Variants in NRAP observed in about 807,000 individuals in gnomAD.
NRAP encodes nebulin-related-anchoring protein.
Under a neutral mutation model 225.9 loss-of-function variants are expected in NRAP, and 189 were observed. The observed-to-expected ratio is 0.84, with a 90% CI of 0.74 to 0.94. The LOEUF is 0.94. Among genes scored for constraint, NRAP ranks in the 40% least tolerant of loss-of-function variants. The probability of loss-of-function intolerance (pLI) is 0.00; values close to 1 mark genes in which losing one functional copy is unlikely to be tolerated. For missense variants in NRAP, 2,176 were observed against 2,168.7 expected (o/e 1.00, Z -0.07); for synonymous variants, 769 against 790.7 (o/e 0.97, Z 0.46).
At chr10:113,615,098 C>A (rs1457723907) in intron 27 of NRAP, 152 bp from the exon 28 acceptor site, 14 of 484,034 alleles carry the variant, frequency 2.9e-5, no homozygotes, top group Non-Finnish European at 4.3e-5. Flanking sequence ...GCTAAACCCA[C>A]GTGAGTTGGA....
At chr10:113,595,871 C>T in intron 37 of NRAP, 144 bp from the exon 38 acceptor site, 3 of 495,590 alleles carry the variant, frequency 6.1e-6, no homozygotes, top group Middle Eastern at 4.4e-4. Context: ...GGACAGTGTC[C>T]CTCCAGAACC....
At chr10:113,620,518 T>A (rs1847921695) in intron 25 of NRAP, 86 bp downstream of exon 25, 1 of 985,136 alleles carries the variant, frequency 1.0e-6, no homozygotes, top group African/African-American at 1.6e-5. Context: ...TTCTTTGCCT[T>A]TTGAGTGGAA....
rs372444529 is a variant in NRAP, at chr10:113,589,078, C to A, written c.5090G>T (p.Arg1697Leu). 1.2e-6 allele frequency: 2 copies of A among 1,613,516 alleles called. No individual in the cohort carries two copies. Among genetic ancestry groups the A allele is most frequent in the Non-Finnish European group, 1.7e-6 (2 of 1,179,682 alleles). The part of the protein sequence containing the change: ...ARGLGLQGAY[R>L]GAEAVEAGDH... The stretch of plus-strand genomic sequence containing the variant: ...TCCAGCCTCCACTGCTTCTGCCCCC[C>A]GCTGCTGAAATCAAACATACCCCAA... Residue 1697 changes from arginine to leucine, a missense_variant and splice_region_variant, in exon 42 of 42, where the codon CGG becomes CTG. Around this residue, in one of 3 missense-constraint regions of NRAP, gnomAD observed 445 missense variants for 426.1 expected, o/e 1.04. Transcript: ENST00000359988.
intron 15 of NRAP, 52 bp from the exon 16 acceptor site, chr10:113,633,240 CT>C (rs1848674617): frequency 1.9e-6 from 2 of 1,025,742 alleles, no homozygotes; most frequent in African/African-American, 3.2e-5. Flanking sequence ...AGAAAGAGAA[CT>C]TTAGGGACCC....
In NRAP at chr10:113,597,367, T is replaced by C. The variant is rs563225096; in HGVS notation, c.4333-183A>G. On this transcript the variant is annotated intron_variant, in intron 36 of 41. Coordinates refer to ENST00000359988, the MANE Select transcript of NRAP (RefSeq NM_198060.4). ...AAAAGATTCAGCTGCTTCTGTGATA[T>C]GGAACATTTTACAGGTATTTACTCT... 1.6e-3 allele frequency among the ~76,000 whole-genome samples: 231 copies of C among 140,524 alleles called. 1 individual carries two copies. Among genetic ancestry groups the C allele is most frequent in the African/African-American group, 5.3e-3 (203 of 38,070 alleles). The allele number at this position is 140,524 out of a possible 152,430, so 92.2% of individuals were successfully genotyped here. A position where few individuals can be genotyped will look rare whatever the true frequency, so the allele number is the denominator to read the frequency against.
chr10:113,609,300 T>C (rs932397150), intron 31 of NRAP, among the ~76,000 whole-genome samples: 1 of 152,268 alleles, frequency 6.6e-6, no homozygotes, highest in Non-Finnish European at 1.5e-5. Context: ...TTTAAGGTTC[T>C]GATGCACCAT....
At chr10:113,618,969 G>T (rs1323443950) in intron 25 of NRAP, among the ~76,000 whole-genome samples, 1 of 152,128 alleles carries the variant, frequency 6.6e-6, no homozygotes, top group African/African-American at 2.4e-5. Context: ...TAAAATAAAA[G>T]AAGGTGGCCC....
At position 113,641,438 on chromosome 10, in the gene NRAP, C is replaced by A; in HGVS notation, c.1250G>T (p.Arg417Ile). The A allele has an allele frequency of 2.5e-6, 4 of 1,613,776 alleles. No individual in the cohort carries two copies. The highest frequency in any genetic ancestry group is 3.4e-6 in the Non-Finnish European group (4 of 1,179,710). ...CATACCAACTCCTTCATAGCGGCCT[C>A]TCATGTGGTTCTGGTAGTTTTCTTT... ...KYKENYQNHM[R>I]GRYEGVGMDR... Residue 417 changes from arginine (R) to isoleucine (I), a missense_variant, in exon 13 of 42, where the codon AGA becomes ATA. Around this residue, in one of 3 missense-constraint regions of NRAP, gnomAD observed 1,708 missense variants for 1,695.5 expected, o/e 1.01. Coordinates refer to ENST00000359988, the MANE Select transcript of NRAP (RefSeq NM_198060.4).
At chr10:113,627,358 T>C (rs939968253) in intron 20 of NRAP, among the ~76,000 whole-genome samples, 4 of 152,050 alleles carry the variant, frequency 2.6e-5, no homozygotes, top group African/African-American at 9.7e-5. Context: ...AGAAGGAACA[T>C]AAAAAAGGTG....
rs1179231923 is a variant in NRAP, at chr10:113,654,038, G to C, written c.448C>G (p.Arg150Gly). 3.1e-6 allele frequency: 5 copies of C among 1,611,858 alleles called. No individual in the cohort carries two copies. The highest frequency in any genetic ancestry group is 1.3e-5 in the African/African-American group (1 of 74,844). Residue 150 changes from arginine to glycine, a missense_variant, in exon 5 of 42, where the codon CGA (arginine) becomes GGA (glycine). Transcript: ENST00000359988. Reference protein sequence around the residue: ...DPEIVRMVEARKSLGEEYTED... With the variant: ...DPEIVRMVEAGKSLGEEYTED... ...GTGCTTACCTCACCAAGAGACTTTC[G>C]AGCCTCAACCATCCTTACAATTTCG...
At chr10:113,629,956 T>G (rs1047905002) in intron 18 of NRAP, among the ~76,000 whole-genome samples, 171 bp from the exon 19 acceptor site, 5 of 152,176 alleles carry the variant, frequency 3.3e-5, no homozygotes, top group African/African-American at 1.2e-4. Flanking sequence ...AAAGGCAGCA[T>G]CATGAGGGAG....
intron 27 of NRAP, among the ~76,000 whole-genome samples, 182 bp downstream of exon 27, chr10:113,615,530 T>G (rs1342321839): frequency 6.6e-6 from 1 of 152,200 alleles, no homozygotes; most frequent in Admixed American, 6.5e-5. Flanking sequence ...CTACATAATG[T>G]GCAGGGCCTA....
In NRAP at chr10:113,629,657, A is replaced by T. The variant is rs1002512172; in HGVS notation, c.1971T>A (p.His657Gln). Residue 657 changes from histidine (H) to glutamine (Q), a missense_variant, in exon 19 of 42, where the codon CAT (histidine) becomes CAA (glutamine). By Grantham distance (24) the His-to-Gln change is conservative. This residue lies in a region of NRAP where 1,708 missense variants were observed against 1,695.5 expected (regional missense o/e 1.01). Transcript: ENST00000359988. ...ASDLDYRKKL[H>Q]EYTVLPEDMK... ...TATCTTCAGGCAGCACAGTGTATTCATGCAGTTTCTTCCTGTAGTCCAGGT... is the reference window on the plus strand; with the variant it reads ...TATCTTCAGGCAGCACAGTGTATTCTTGCAGTTTCTTCCTGTAGTCCAGGT... 3.1e-6 allele frequency: 5 copies of T among 1,613,960 alleles called. No individual in the cohort carries two copies. The highest frequency in any genetic ancestry group is 4.2e-6 in the Non-Finnish European group (5 of 1,179,952).
At chr10:113,663,626 T>C (rs1850835260) in intron 1 of NRAP, among the ~76,000 whole-genome samples, 180 bp from the exon 2 acceptor site, 1 of 152,196 alleles carries the variant, frequency 6.6e-6, no homozygotes, top group Non-Finnish European at 1.5e-5. Context: ...CTTTTTTTTT[T>C]TGAGACAACA....
chr10:113,601,346 T>A (rs1846589473), intron 35 of NRAP, among the ~76,000 whole-genome samples: 1 of 152,252 alleles, frequency 6.6e-6, no homozygotes, highest in African/African-American at 2.4e-5. Flanking sequence ...CTTGACGTAA[T>A]GCCTATTTAG....
At chr10:113,618,440 G>A (rs1381778833) in intron 25 of NRAP, among the ~76,000 whole-genome samples, 3 of 152,210 alleles carry the variant, frequency 2.0e-5, no homozygotes, top group Non-Finnish European at 4.4e-5. Flanking sequence ...TGTAAATAAA[G>A]TTTTATTGGA....
At chr10:113,656,027 G>T (rs1850286210) in intron 4 of NRAP, among the ~76,000 whole-genome samples, 1 of 152,142 alleles carries the variant, frequency 6.6e-6, no homozygotes, top group Admixed American at 6.5e-5. Context: ...ATGATGGAAA[G>T]GGGGAGGTCG....
chr10:113,646,938 G>T lies in NRAP; in HGVS notation c.978C>A (p.His326Gln), dbSNP rs371839135. ...TGGTACTTACGTCACTAGCGAGTTC[G>T]TGAGCTTTCTTGGCGTTCTGATATG... ...TPAYQNAKKA[H>Q]ELASDIKYRQ... is the part of the protein sequence containing the mutation. The change falls in exon 10 of 42, where the codon CAC becomes CAA. Residue 326 changes from histidine (H) to glutamine (Q), a missense_variant. This residue lies in a region of NRAP where 1,708 missense variants were observed against 1,695.5 expected (regional missense o/e 1.01). Coordinates refer to ENST00000359988, the MANE Select transcript of NRAP (RefSeq NM_198060.4). 6.2e-7 allele frequency: 1 copy of T among 1,613,286 alleles called. No individual in the cohort carries two copies. Among genetic ancestry groups the T allele is most frequent in the Non-Finnish European group, 8.5e-7 (1 of 1,179,216 alleles).
intron 14 of NRAP, among the ~76,000 whole-genome samples, chr10:113,638,602 G>T (rs1200230001): frequency 2.0e-5 from 3 of 152,186 alleles, no homozygotes; most frequent in Admixed American, 1.3e-4. Context: ...AGGAGGTACA[G>T]CAACAGAGAG....
Sources: gnomAD v4.1 joint callset for allele counts (sites outside exome capture counted in the v4.1 genomes callset) on GRCh38, gnomAD v4.1.1 for gene constraint, gnomAD v4.1.1 regional missense constraint, MANE v1.5 for transcripts, NCBI Gene and HGNC (gene_info 2026-07-23, HGNC 2026-07-21) for gene names.